Variants in PCDHGA1 observed in about 807,000 individuals in gnomAD.
The protein encoded by PCDHGA1 is protocadherin gamma subfamily A, 1.
A neutral mutation model predicts 58.0 loss-of-function variants in PCDHGA1; 32 were observed. The ratio of observed to expected loss-of-function variants is 0.55; its 90% confidence interval spans 0.42 to 0.74. The LOEUF (loss-of-function observed/expected upper bound fraction) is 0.74. PCDHGA1 is among the 30% of genes least tolerant of loss of function. PCDHGA1 has a pLI of 0.00. For missense variants in PCDHGA1, 1,205 were observed against 1,182.3 expected (o/e 1.02, Z -0.28); for synonymous variants, 498 against 501.1 (o/e 0.99, Z 0.08).
At chr5:141,492,237 C>G (rs2099738580) in intron 1 of PCDHGA1, among the ~76,000 whole-genome samples, 1 of 152,206 alleles carries the variant, frequency 6.6e-6, no homozygotes, top group Admixed American at 6.5e-5. Flanking sequence ...TCCCTGCTGG[C>G]CACCCCCACG....
intron 1 of PCDHGA1, among the ~76,000 whole-genome samples, chr5:141,492,781 T>C (rs945023154): frequency 9.9e-5 from 15 of 152,194 alleles, no homozygotes; most frequent in African/African-American, 3.6e-4. Flanking sequence ...TGAGTGAGCC[T>C]CTATAGGACA....
At chr5:141,345,063 G>A in intron 1 of PCDHGA1, 7 of 1,613,936 alleles carry the variant, frequency 4.3e-6, no homozygotes, top group Non-Finnish European at 5.9e-6. Flanking sequence ...GAATGACAAT[G>A]CTCCAGAAAT....
At chr5:141,433,869 T>C (rs1293077938) in intron 1 of PCDHGA1, among the ~76,000 whole-genome samples, 8 of 151,960 alleles carry the variant, frequency 5.3e-5, no homozygotes, top group Non-Finnish European at 7.4e-5. Flanking sequence ...TATCCTCTAG[T>C]TTCATCCATT....
intron 1 of PCDHGA1, among the ~76,000 whole-genome samples, chr5:141,434,609 G>T (rs189866750): frequency 1.3e-5 from 2 of 151,946 alleles, no homozygotes; most frequent in Non-Finnish European, 2.9e-5. Flanking sequence ...CTTTATTTCC[G>T]CCCATCTCTT....
In PCDHGA1 at chr5:141,477,967, C is replaced by A; in HGVS notation, c.2422-16840C>A. The A allele has an allele frequency of 6.2e-7, 1 of 1,614,150 alleles. No individual in the cohort carries two copies. Among genetic ancestry groups the A allele is most frequent in the Non-Finnish European group, 8.5e-7 (1 of 1,180,032 alleles). On this transcript the variant is annotated intron_variant, in intron 1 of 3. Transcript: ENST00000517417. The surrounding 1 kb of genome is among the most constrained non-coding windows in gnomAD (Gnocchi z 4.9). ...GTCTCTTGGGATCCCCTAACCAGAG[C>A]CTTTTTGCCATAGGGCTGCACACTG...
Position 141,432,757 on chromosome 5 carries a change from C to T in PCDHGA1, c.2422-62050C>T. On this transcript the variant is annotated intron_variant, in intron 1 of 3. Coordinates refer to ENST00000517417, the MANE Select transcript of PCDHGA1 (RefSeq NM_018912.3). This position sits in a 1 kb window ranked among gnomAD's most constrained non-coding sequence, Gnocchi z 6.0. ...TCACGCTCACCGTGGCCGTGGCCGA[C>T]AGCATCCCCCAAGTCCTGGCGGACC... is the stretch of plus-strand genomic sequence containing the variant. 1.2e-6 allele frequency: 2 copies of T among 1,614,150 alleles called. No individual in the cohort carries two copies. Among genetic ancestry groups the T allele is most frequent in the African/African-American group, 1.3e-5 (1 of 75,076 alleles).
At chr5:141,455,690 C>T (rs1209152869) in intron 1 of PCDHGA1, among the ~76,000 whole-genome samples, 1 of 152,064 alleles carries the variant, frequency 6.6e-6, no homozygotes, top group Non-Finnish European at 1.5e-5. Context: ...CTGTGGGAAT[C>T]GCCAAGTTGA....
At chr5:141,406,043 A>G (rs1346440934) in intron 1 of PCDHGA1, among the ~76,000 whole-genome samples, 3 of 150,174 alleles carry the variant, frequency 2.0e-5, no homozygotes, top group East Asian at 3.9e-4. Context: ...CATTGGTTGC[A>G]GTGGACTCAT....
chr5:141,473,626 G>A lies in PCDHGA1; in HGVS notation c.2422-21181G>A, dbSNP rs149882847. ...GCAAAGCAAAGGGAGGGAGGAAAAA[G>A]CAGCTTTCCTGGCAAAGGAACAATT... On this transcript the variant is annotated intron_variant, in intron 1 of 3. Transcript: ENST00000517417. Among the ~76,000 whole-genome samples, 1,234 of 152,276 alleles carry A rather than the reference G, an allele frequency of 8.1e-3. 14 individuals are homozygous for A. Among genetic ancestry groups the A allele is most frequent in the Non-Finnish European group, 0.011 (715 of 68,020 alleles).
intron 1 of PCDHGA1, chr5:141,356,581 A>C (rs762640676): frequency 6.2e-7 from 1 of 1,614,132 alleles, no homozygotes; most frequent in South Asian, 1.1e-5. Context: ...CTCTGCTTAC[A>C]TTCCTGAAAA....
In PCDHGA1 at chr5:141,471,046, CTTT is replaced by C. The variant is rs1170588345; in HGVS notation, c.2422-23743_2422-23741del. ...ATTTTTATTAACAAGCCCAAGCCCT[CTTT>C]TTTTTTTTTTTTTTTTTGAGACAGG... On this transcript the variant is annotated intron_variant, in intron 1 of 3. Coordinates refer to ENST00000517417, the MANE Select transcript of PCDHGA1 (RefSeq NM_018912.3). 4.8e-4 allele frequency among the ~76,000 whole-genome samples: 54 copies of C among 113,240 alleles called. 1 individual carries two copies. Among genetic ancestry groups the C allele is most frequent in the Middle Eastern group, 5.2e-3 (1 of 192 alleles). 74.3% of individuals were successfully genotyped at this position (113,240 alleles called of 152,430 possible).
intron 1 of PCDHGA1, among the ~76,000 whole-genome samples, chr5:141,444,062 A>G (rs1335403906): frequency 6.7e-6 from 1 of 149,402 alleles, no homozygotes; most frequent in African/African-American, 2.5e-5. Context: ...TTCAATCTAG[A>G]TTCTGATGCT....
chr5:141,459,581 G>A (rs945690319), intron 1 of PCDHGA1, among the ~76,000 whole-genome samples: 1 of 152,138 alleles, frequency 6.6e-6, no homozygotes, highest in Non-Finnish European at 1.5e-5. Flanking sequence ...AATTGTTTTG[G>A]GGGTCATATG....
chr5:141,413,651 C>T (rs377135032), intron 1 of PCDHGA1: 16 of 1,613,658 alleles, frequency 9.9e-6, no homozygotes, highest in Non-Finnish European at 8.5e-6. Context: ...TTTCCTCTCC[C>T]GGAAGCTATT....
At chr5:141,364,166 C>T (rs1763198104) in intron 1 of PCDHGA1, 4 of 715,060 alleles carry the variant, frequency 5.6e-6, no homozygotes, top group Admixed American at 3.8e-5. Context: ...AGAGGCGACC[C>T]GACTCTGCTC....
At chr5:141,344,480 A>G (rs781521367) in intron 1 of PCDHGA1, 10 of 1,613,848 alleles carry the variant, frequency 6.2e-6, no homozygotes, top group Admixed American at 5.0e-5. Flanking sequence ...CGGTTCCTGG[A>G]ACCCGATTTC....
At position 141,508,670 on chromosome 5, in the gene PCDHGA1, C is replaced by A. The variant is rs184838473; in HGVS notation, c.2570-2277C>A. The stretch of plus-strand genomic sequence containing the variant: ...GGCCCTTCCTGTCATTCTGTCTCTG[C>A]CTCCCTTCTCCCTGCTTCTCCGTGT... On this transcript the variant is annotated intron_variant, in intron 3 of 3. Coordinates refer to ENST00000517417, the MANE Select transcript of PCDHGA1 (RefSeq NM_018912.3). Among the ~76,000 whole-genome samples the A allele has an allele frequency of 3.7e-3, 564 of 152,202 alleles. 5 individuals are homozygous for A. The highest frequency in any genetic ancestry group is 0.011 in the Admixed American group (164 of 15,294).
chr5:141,350,223 C>T lies in PCDHGA1; in HGVS notation c.2421+17118C>T, dbSNP rs1185126722. On this transcript the variant is annotated intron_variant, in intron 1 of 3. Coordinates refer to ENST00000517417, the MANE Select transcript of PCDHGA1 (RefSeq NM_018912.3). ...GGTGCTGCCATTTCTTTTTGAAAAACATCCCAGAGGAAAGAAGCTCCGCGG... is the reference window on the plus strand; with the variant it reads ...GGTGCTGCCATTTCTTTTTGAAAAATATCCCAGAGGAAAGAAGCTCCGCGG... 4 of 1,493,424 alleles carry T rather than the reference C, an allele frequency of 2.7e-6. No individual in the cohort carries two copies. The South Asian group carries it at 5.8e-5, about 22-fold the overall frequency. 92.5% of individuals were successfully genotyped at this position (1,493,424 alleles called of 1,614,324 possible).
intron 1 of PCDHGA1, chr5:141,389,865 G>A: frequency 1.2e-6 from 2 of 1,614,080 alleles, no homozygotes; most frequent in Non-Finnish European, 1.7e-6. Flanking sequence ...GTTGCACCTG[G>A]TCTTCGCCGA....
Sources: gnomAD v4.1 joint callset for allele counts (sites outside exome capture counted in the v4.1 genomes callset) on GRCh38, gnomAD v4.1.1 for gene constraint, Gnocchi (gnomAD v3.1) non-coding constraint, MANE v1.5 for transcripts, NCBI Gene and HGNC (gene_info 2026-07-23, HGNC 2026-07-21) for gene names.